DNAAF5: variants seen among roughly 807,000 people sequenced by gnomAD.
DNAAF5 encodes HEAT repeat containing 2.
Under a neutral mutation model 75.8 loss-of-function variants are expected in DNAAF5, and 64 were observed. The ratio of observed to expected loss-of-function variants is 0.84; its 90% CI spans 0.69 to 1.04. DNAAF5 has a LOEUF of 1.04. Among genes scored for constraint, DNAAF5 ranks in the 50% least tolerant of loss-of-function variants. The probability of loss-of-function intolerance (pLI) is 0.00; values close to 1 mark genes in which losing one functional copy is unlikely to be tolerated. For synonymous variants in DNAAF5, 657 were observed against 557.2 expected, an observed-to-expected ratio of 1.18 and a Z score of -2.52; for missense variants, 1,269 against 1,178.5, an observed-to-expected ratio of 1.08 and a Z score of -1.12.
In DNAAF5 at chr7:726,912, C is replaced by A; in HGVS notation, c.192C>A (p.Ala64=). The A allele has an allele frequency of 7.4e-7, 1 of 1,345,160 alleles. No homozygotes were observed. The highest frequency in any genetic ancestry group is 1.7e-5 in the South Asian group (1 of 59,340). 83.3% of individuals were successfully genotyped at this position (1,345,160 alleles called of 1,614,324 possible). A position where few individuals can be genotyped will look rare whatever the true frequency, so the allele number is the denominator to read the frequency against. ...CGCTGGAGGAGCCAGGCCCTGCCGCCGACCCCACCGCTTTCCAGGGCCCCT... is the reference window on the plus strand; with the variant it reads ...CGCTGGAGGAGCCAGGCCCTGCCGCAGACCCCACCGCTTTCCAGGGCCCCT... The part of the protein sequence containing the change: ...RRALEEPGPA[A]DPTAFQGPWA... Residue 64 remains alanine, a synonymous_variant, in exon 1 of 13, where the codon GCC becomes GCA. Transcript: ENST00000297440.
At chr7:780,207 T>C (rs1778891173) in intron 12 of DNAAF5, 63 bp downstream of exon 12, 8 of 1,500,770 alleles carry the variant, frequency 5.3e-6, no homozygotes. Context: ...CACGGGCATC[T>C]GTAGCTGAGC....
chr7:773,942 G>T, intron 9 of DNAAF5, 106 bp from the exon 10 acceptor site: 1 of 1,345,766 alleles, frequency 7.4e-7, no homozygotes, highest in Non-Finnish European at 1.1e-6. Flanking sequence ...GGTCGAGTTC[G>T]TTTTCCTGTT....
chr7:772,587 C>T (rs1380767991), intron 9 of DNAAF5: 1 of 152,208 alleles, frequency 6.6e-6, no homozygotes, highest in Admixed American at 6.5e-5. Flanking sequence ...AGCCGCTGGG[C>T]CCCTCGTTCC....
rs771105608 is a variant in DNAAF5, at chr7:779,984, C to T, written c.2271C>T (p.Asn757=). The T allele has an allele frequency of 2.0e-5, 33 of 1,614,048 alleles. 1 individual carries two copies. The highest frequency in any genetic ancestry group is 1.9e-4 in the South Asian group (17 of 91,074). ...TAAAACGCCTAGATGACGTGTCCAA[C>T]GATGTGAGGATGGCAGCCGCCTCCA... ...ELLKRLDDVS[N]DVRMAAASTL... is the part of the protein sequence containing the mutation. The change falls in exon 12 of 13, where the codon AAC becomes AAT. Residue 757 remains asparagine (N), a synonymous_variant. Transcript: ENST00000297440.
intron 12 of DNAAF5, 22 bp from the exon 13 acceptor site, chr7:785,495 A>T: frequency 6.2e-7 from 1 of 1,610,840 alleles, no homozygotes; most frequent in East Asian, 2.2e-5. Flanking sequence ...TGGCATGTTC[A>T]AGGTGTTTTT....
Position 754,986 on chromosome 7 carries a change from C to T in DNAAF5, c.1257+165C>T, listed in dbSNP as rs1782439363. 1.3e-5 allele frequency among the ~76,000 whole-genome samples: 2 copies of T among 152,230 alleles called. No homozygotes were observed. Among genetic ancestry groups the T allele is most frequent in the African/African-American group, 4.8e-5 (2 of 41,462 alleles). ...CCCAGCCCCTGGGAACAACTGATCT[C>T]CTTTCTGTGCCCGTAGGTAACAGCG... is the stretch of plus-strand genomic sequence containing the variant. On this transcript the variant is annotated intron_variant, in intron 5 of 12. Coordinates refer to ENST00000297440, the MANE Select transcript of DNAAF5 (RefSeq NM_017802.4). This position sits in a 1 kb window ranked among gnomAD's most constrained non-coding sequence, Gnocchi z 4.8.
intron 8 of DNAAF5, chr7:769,188 C>T (rs1393349061): frequency 1.3e-6 from 1 of 774,470 alleles, no homozygotes; most frequent in Non-Finnish European, 2.4e-6. Flanking sequence ...ATCGCGAGGT[C>T]CCCAGCAACG....
chr7:751,380 A>ATCTTAGCAC (rs1782287215), intron 4 of DNAAF5, among the ~76,000 whole-genome samples: 1 of 151,734 alleles, frequency 6.6e-6, no homozygotes, highest in African/African-American at 2.4e-5. Context: ...CACACCTGTA[A>ATCTTAGCAC]TCTTAGCACT....
In DNAAF5 at chr7:726,757, C is replaced by T. The variant is rs1341976881; in HGVS notation, c.37C>T (p.Pro13Ser). The change falls in exon 1 of 13, where the codon CCA (proline) becomes TCA (serine). Residue 13 changes from proline to serine, a missense_variant. Pro to Ser is a moderately conservative substitution (Grantham distance 74). Coordinates refer to ENST00000297440, the MANE Select transcript of DNAAF5 (RefSeq NM_017802.4). ...ALGVAEAVAA[P>S]HPAEGAETAE... ...GGGGGTGGCGGAGGCCGTGGCGGCC[C>T]CACACCCGGCTGAGGGGGCCGAGAC... is the stretch of plus-strand genomic sequence containing the variant. The T allele has an allele frequency of 1.6e-6, 2 of 1,255,476 alleles. No individual in the cohort carries two copies. The highest frequency in any genetic ancestry group is 3.1e-5 in the African/African-American group (2 of 64,452). The allele number at this position is 1,255,476 out of a possible 1,614,324, so 77.8% of individuals were successfully genotyped here. A position where few individuals can be genotyped will look rare whatever the true frequency, so the allele number is the denominator to read the frequency against.
At chr7:737,024 TTTG>T (rs1272076228) in intron 2 of DNAAF5, among the ~76,000 whole-genome samples, 1 of 152,074 alleles carries the variant, frequency 6.6e-6, no homozygotes, top group African/African-American at 2.4e-5. Flanking sequence ...TTTTTAACTT[TTTG>T]TTGTTTTTAC....
intron 12 of DNAAF5, among the ~76,000 whole-genome samples, chr7:784,163 G>A (rs1400365238): frequency 6.6e-6 from 1 of 152,268 alleles, no homozygotes; most frequent in South Asian, 2.1e-4. Context: ...GCAGCGCCAG[G>A]CACAGCTGGC....
At chr7:753,328 G>T (rs1235770057) in intron 4 of DNAAF5, among the ~76,000 whole-genome samples, 1 of 152,200 alleles carries the variant, frequency 6.6e-6, no homozygotes, top group Non-Finnish European at 1.5e-5. Context: ...GCGGGCCTCA[G>T]AAAACGATGC....
chr7:761,986 C>T, intron 7 of DNAAF5, 90 bp downstream of exon 7: 3 of 1,455,870 alleles, frequency 2.1e-6, no homozygotes, highest in Non-Finnish European at 1.8e-6. Context: ...TCCTATGCAT[C>T]CCCTCTGTGC....
intron 2 of DNAAF5, chr7:732,617 CTGTTTG>C (rs1781622588): frequency 2.2e-6 from 1 of 455,968 alleles, no homozygotes; most frequent in Admixed American, 2.3e-5. Context: ...TGCCAAGTAC[CTGTTTG>C]CCATTTGTAT....
chr7:757,033 G>A (rs777741867), intron 6 of DNAAF5, 39 bp downstream of exon 6: 4 of 1,551,110 alleles, frequency 2.6e-6, no homozygotes, highest in South Asian at 2.3e-5. Flanking sequence ...GAGAGGAGGA[G>A]CCTCCCCTGC....
At chr7:755,157 G>A (rs536204114) in intron 5 of DNAAF5, among the ~76,000 whole-genome samples, 19 of 152,292 alleles carry the variant, frequency 1.2e-4, no homozygotes, top group Admixed American at 2.6e-4. Flanking sequence ...GATGCCCAGC[G>A]TTCAGCATTG....
chr7:729,886 C>A, intron 2 of DNAAF5, 39 bp downstream of exon 2: 1 of 1,599,096 alleles, frequency 6.3e-7, no homozygotes, highest in Non-Finnish European at 8.6e-7. Flanking sequence ...TTCCTCTCTC[C>A]AACACAGGCG....
intron 11 of DNAAF5, among the ~76,000 whole-genome samples, chr7:775,570 A>G (rs184707153): frequency 1.2e-4 from 19 of 152,260 alleles, no homozygotes; most frequent in African/African-American, 4.6e-4. Flanking sequence ...TTGTGCATTT[A>G]TACATACAAA....
intron 2 of DNAAF5, 49 bp from the exon 3 acceptor site, chr7:740,770 G>T: frequency 6.2e-7 from 1 of 1,606,954 alleles, no homozygotes; most frequent in Middle Eastern, 1.7e-4. Context: ...CGTCAGCCCC[G>T]GCATCCCCTT....
Sources: gnomAD v4.1 joint callset for allele counts (sites outside exome capture counted in the v4.1 genomes callset) on GRCh38, gnomAD v4.1.1 for gene constraint, Gnocchi (gnomAD v3.1) non-coding constraint, MANE v1.5 for transcripts, NCBI Gene and HGNC (gene_info 2026-07-23, HGNC 2026-07-21) for gene names.